Variants in MBNL2 observed in about 807,000 individuals in gnomAD.
The protein encoded by MBNL2 is muscleblind like splicing regulator 2.
Under a neutral mutation model 41.9 loss-of-function variants are expected in MBNL2, and 17 were observed. That is an observed-to-expected ratio of 0.41 (90% confidence interval 0.28 to 0.61). MBNL2 has a LOEUF of 0.61. MBNL2 is among the 20% of genes least tolerant of loss of function. The probability of loss-of-function intolerance (pLI) is 0.35; values close to 1 mark genes in which losing one functional copy is unlikely to be tolerated. For synonymous variants in MBNL2, 195 were observed against 182.9 expected (o/e 1.07, Z -0.53); for missense variants, 336 against 505.6 (o/e 0.66, Z 3.22).
intron 2 of MBNL2, among the ~76,000 whole-genome samples, chr13:97,332,632 G>A (rs886532677): frequency 6.6e-5 from 10 of 152,250 alleles, no homozygotes; most frequent in East Asian, 1.9e-4. Context: ...AGAGAGATTC[G>A]TATACTACTT....
intron 7 of MBNL2, among the ~76,000 whole-genome samples, chr13:97,361,472 T>G (rs984555517): frequency 1.3e-5 from 2 of 152,176 alleles, no homozygotes; most frequent in Non-Finnish European, 2.9e-5. Flanking sequence ...GACCAGAATC[T>G]GGCATTAAGG....
chr13:97,379,100 T>G (rs2065206713), intron 8 of MBNL2, among the ~76,000 whole-genome samples: 1 of 152,238 alleles, frequency 6.6e-6, no homozygotes, highest in Non-Finnish European at 1.5e-5. Flanking sequence ...TGACTCCCCT[T>G]AAAAACTCCG....
At chr13:97,202,706 C>A in the MBNL2 span, among the ~76,000 whole-genome samples, 1 of 152,160 alleles carries the variant, frequency 6.6e-6, no homozygotes. Context: ...AAATGCCATG[C>A]AGCAAGGAAG....
the MBNL2 span, among the ~76,000 whole-genome samples, chr13:97,199,684 C>G: frequency 5.3e-4 from 81 of 152,350 alleles, 4 homozygotes; most frequent in South Asian, 0.014. Flanking sequence ...GGAATGCTGA[C>G]AGCGCAGTGG....
intron 8 of MBNL2, among the ~76,000 whole-genome samples, chr13:97,382,096 T>A (rs2065499592): frequency 6.6e-6 from 1 of 152,224 alleles, no homozygotes. Flanking sequence ...ATTTTCTTAG[T>A]GTGTCCCACA....
At chr13:97,327,581 A>AAAAAAAC (rs2060012214) in intron 2 of MBNL2, among the ~76,000 whole-genome samples, 1 of 151,462 alleles carries the variant, frequency 6.6e-6, no homozygotes, top group African/African-American at 2.4e-5. Flanking sequence ...AAAAAAAAAA[A>AAAAAAAC]AAGTTCATAT....
At chr13:97,177,003 G>A in the MBNL2 span, among the ~76,000 whole-genome samples, 2 of 152,104 alleles carry the variant, frequency 1.3e-5, no homozygotes, top group African/African-American at 2.4e-5. Flanking sequence ...TGGATACGAA[G>A]CAAGGTACAA....
chr13:97,185,687 A>C, the MBNL2 span, among the ~76,000 whole-genome samples: 2 of 152,190 alleles, frequency 1.3e-5, no homozygotes, highest in East Asian at 1.9e-4. Context: ...TTCCCCTAGA[A>C]TCTCCAGCAG....
At position 97,268,244 on chromosome 13, in the gene MBNL2, G is replaced by A. The variant is rs1043696048; in HGVS notation, c.-604-7388G>A. 1.2e-4 allele frequency among the ~76,000 whole-genome samples: 19 copies of A among 152,132 alleles called. No homozygotes were observed. The highest frequency in any genetic ancestry group is 4.6e-4 in the African/African-American group (19 of 41,400). On this transcript the variant is annotated intron_variant, in intron 1 of 8. Coordinates refer to ENST00000679496, the MANE Select transcript of MBNL2 (RefSeq NM_001382683.1). This position sits in a 1 kb window ranked among gnomAD's most constrained non-coding sequence, Gnocchi z 4.6. Reference sequence around the variant, plus strand: ...TGAATAGCTGGGATTACAGGCGTGCGCCACCATGCACGCCCGGCTAAATTT... The same window carrying A: ...TGAATAGCTGGGATTACAGGCGTGCACCACCATGCACGCCCGGCTAAATTT...
the MBNL2 span, among the ~76,000 whole-genome samples, chr13:97,212,392 C>T: frequency 1.3e-5 from 2 of 152,082 alleles, no homozygotes; most frequent in Non-Finnish European, 2.9e-5. Flanking sequence ...CACAGCTACC[C>T]CCACAGTAGA....
At chr13:97,363,283 G>A (rs1271486111) in intron 7 of MBNL2, among the ~76,000 whole-genome samples, 2 of 152,108 alleles carry the variant, frequency 1.3e-5, no homozygotes, top group Non-Finnish European at 2.9e-5. Flanking sequence ...CCCATGAAGT[G>A]AATGATACAC....
intron 7 of MBNL2, among the ~76,000 whole-genome samples, chr13:97,363,535 T>C (rs573819090): frequency 6.6e-6 from 1 of 151,230 alleles, no homozygotes; most frequent in East Asian, 2.0e-4. Context: ...TGCTGAGAAT[T>C]AGGAACAGTG....
chr13:97,193,936 G>A, the MBNL2 span, among the ~76,000 whole-genome samples: 2 of 152,134 alleles, frequency 1.3e-5, no homozygotes, highest in African/African-American at 2.4e-5. Flanking sequence ...CAGCCTCCCT[G>A]GTCTTTTAGT....
Position 97,336,103 on chromosome 13 carries a change from C to T in MBNL2, c.339+1663C>T, listed in dbSNP as rs2060860442. ...GGTGGCCGTGTTAACGAGAGAATCC[C>T]ATCCCTGCTGTTAACTATTAGTTGA... is the stretch of plus-strand genomic sequence containing the variant. On this transcript the variant is annotated intron_variant, in intron 3 of 8. Transcript: ENST00000679496. Among the ~76,000 whole-genome samples the T allele has an allele frequency of 4.6e-5, 7 of 152,278 alleles. No homozygotes were observed. The South Asian group carries it at 1.5e-3, about 32-fold the overall frequency.
chr13:97,230,842 A>G (rs1455895785), intron 1 of MBNL2, among the ~76,000 whole-genome samples: 4 of 152,154 alleles, frequency 2.6e-5, no homozygotes, highest in Non-Finnish European at 5.9e-5. Context: ...ATTGGTTCAG[A>G]ATCTTGTTTA....
At chr13:97,177,416 GA>G in the MBNL2 span, among the ~76,000 whole-genome samples, 2 of 152,166 alleles carry the variant, frequency 1.3e-5, no homozygotes, top group Non-Finnish European at 2.9e-5. Context: ...TAGAACTCTT[GA>G]TGAGGAATTA....
the MBNL2 span, among the ~76,000 whole-genome samples, chr13:97,168,335 C>G: frequency 2.4e-4 from 36 of 152,260 alleles, no homozygotes; most frequent in African/African-American, 7.7e-4. Flanking sequence ...CTTATCAAAT[C>G]TAATTAATTC....
chr13:97,370,699 A>G (rs1167448652), intron 8 of MBNL2, among the ~76,000 whole-genome samples: 2 of 151,886 alleles, frequency 1.3e-5, no homozygotes, highest in African/African-American at 4.8e-5. Flanking sequence ...AAAGAAAGAA[A>G]CCATATAATG....
intron 2 of MBNL2, among the ~76,000 whole-genome samples, chr13:97,302,774 A>G (rs2057753790): frequency 6.6e-6 from 1 of 152,148 alleles, no homozygotes; most frequent in Non-Finnish European, 1.5e-5. Context: ...GGCTCTGTGA[A>G]TAGAATAGAA....
Sources: gnomAD v4.1 joint callset for allele counts (sites outside exome capture counted in the v4.1 genomes callset) on GRCh38, gnomAD v4.1.1 for gene constraint, Gnocchi (gnomAD v3.1) non-coding constraint, MANE v1.5 for transcripts, NCBI Gene and HGNC (gene_info 2026-07-23, HGNC 2026-07-21) for gene names.